Variants in RANBP17 observed in about 807,000 individuals in gnomAD.
The protein encoded by RANBP17 is RAN binding protein 17.
In RANBP17, 158 loss-of-function variants were observed where a neutral mutation model predicts 141.2. The observed-to-expected ratio is 1.12, with a 90% confidence interval of 0.98 to 1.28. The LOEUF is 1.28. Ranked by LOEUF, RANBP17 falls within the 50% of genes most tolerant of loss-of-function variation. The pLI is 0.00. For missense variants in RANBP17, 1,438 were observed against 1,290.7 expected (o/e 1.11, Z -1.75); for synonymous variants, 430 against 450.0 (o/e 0.96, Z 0.56).
chr5:171,241,304 CTT>C (rs370226479), intron 23 of RANBP17, among the ~76,000 whole-genome samples, 162 bp downstream of exon 23: 8 of 133,572 alleles, frequency 6.0e-5, no homozygotes, highest in Admixed American at 1.5e-4. Flanking sequence ...ACTATAGTGG[CTT>C]TTTTTTTTTT....
At chr5:171,018,445 T>A (rs1312486913) in intron 14 of RANBP17, among the ~76,000 whole-genome samples, 2 of 152,220 alleles carry the variant, frequency 1.3e-5, no homozygotes, top group Non-Finnish European at 2.9e-5. Flanking sequence ...AGCAGTTGTT[T>A]GTAGTTCTCC....
chr5:171,221,819 A>G lies in RANBP17; in HGVS notation c.2401A>G (p.Ser801Gly), dbSNP rs1463733763. 3.1e-6 allele frequency: 5 copies of G among 1,605,612 alleles called. No homozygotes were observed. The highest frequency in any genetic ancestry group is 1.7e-5 in the Admixed American group (1 of 59,960). Residue 801 changes from serine (S) to glycine (G), a missense_variant, in exon 22 of 28, where the codon AGT becomes GGT. Transcript: ENST00000523189. ...PNGILLFREA[S>G]KMVCTYGNQI... ...TGGAATTCTTCTCTTCAGAGAAGCT[A>G]GTAAAATGGTTTGCACTTATGGTGA...
At chr5:170,986,368 T>C (rs182698902) in intron 14 of RANBP17, among the ~76,000 whole-genome samples, 1 of 152,068 alleles carries the variant, frequency 6.6e-6, no homozygotes, top group East Asian at 1.9e-4. Flanking sequence ...AAATTTGCAT[T>C]AAGCCGATAA....
Position 171,052,849 on chromosome 5 carries a change from A to G in RANBP17, c.1710+84472A>G, listed in dbSNP as rs368694006. ...ATATTAAGTCTTCTAACCCATGAAC[A>G]TGAAATGTCTTTCTTTTTTTGAGAT... On this transcript the variant is annotated intron_variant, in intron 14 of 27. Transcript: ENST00000523189. Among the ~76,000 whole-genome samples the G allele has an allele frequency of 4.1e-4, 63 of 152,266 alleles. 1 individual carries two copies. The South Asian group carries it at 0.012, about 30-fold the overall frequency.
At chr5:171,068,389 G>A (rs1006873340) in intron 14 of RANBP17, among the ~76,000 whole-genome samples, 2 of 152,024 alleles carry the variant, frequency 1.3e-5, no homozygotes, top group African/African-American at 4.8e-5. Flanking sequence ...TAAATCCAAT[G>A]TATGGGCTTC....
chr5:171,117,829 TTTGTTGTTG>T (rs57307801), intron 14 of RANBP17, among the ~76,000 whole-genome samples: 28 of 147,556 alleles, frequency 1.9e-4, no homozygotes, highest in East Asian at 2.0e-4. Flanking sequence ...TATGTGGGGT[TTTGTTGTTG>T]TTGTTGTTGT....
rs199913315 is a variant in RANBP17, at chr5:170,896,050, G to T, written c.424G>T (p.Gly142Cys). ...CTAAACTTTGTTATTTTCTCCAAAGGGTACTGTGGAACACTGCATAATAGG... is the reference window on the plus strand; with the variant it reads ...CTAAACTTTGTTATTTTCTCCAAAGTGTACTGTGGAACACTGCATAATAGG... ...IIADVKKFLQ[G>C]TVEHCIIGVI... Residue 142 changes from glycine to cysteine, a missense_variant and splice_region_variant, in exon 5 of 28, where the codon GGT becomes TGT. By Grantham distance (159) the Gly-to-Cys change is radical. Coordinates refer to ENST00000523189, the MANE Select transcript of RANBP17 (RefSeq NM_022897.5). 32 of 1,587,672 alleles carry T rather than the reference G, an allele frequency of 2.0e-5. No individual in the cohort carries two copies. The African/African-American group carries it at 3.1e-4, about 15-fold the overall frequency.
chr5:171,127,105 C>G (rs1756526798), intron 14 of RANBP17, among the ~76,000 whole-genome samples: 1 of 152,052 alleles, frequency 6.6e-6, no homozygotes, highest in South Asian at 2.1e-4. Context: ...AACCAAATAG[C>G]ACATCAGAAG....
At chr5:171,191,417 A>G (rs1291061429) in intron 18 of RANBP17, among the ~76,000 whole-genome samples, 1 of 152,144 alleles carries the variant, frequency 6.6e-6, no homozygotes, top group African/African-American at 2.4e-5. Context: ...GGCCGGGCGC[A>G]GTGGCTCACG....
At chr5:171,052,985 T>TGGGATTACAGGCATGTGCC (rs1554088535) in intron 14 of RANBP17, among the ~76,000 whole-genome samples, 5 of 152,048 alleles carry the variant, frequency 3.3e-5, no homozygotes, top group Non-Finnish European at 7.4e-5. Flanking sequence ...CCCAAGTAGC[T>TGGGATTACAGGCATGTGCC]ACTTTCATAT....
intron 23 of RANBP17, among the ~76,000 whole-genome samples, chr5:171,241,677 C>T (rs1764888991): frequency 6.6e-6 from 1 of 152,132 alleles, no homozygotes; most frequent in African/African-American, 2.4e-5. Flanking sequence ...ATGTTAAAAT[C>T]ACCTCATCAA....
At chr5:171,020,057 C>G (rs1426616907) in intron 14 of RANBP17, among the ~76,000 whole-genome samples, 1 of 152,112 alleles carries the variant, frequency 6.6e-6, no homozygotes, top group Non-Finnish European at 1.5e-5. Flanking sequence ...GCAGGTTGTT[C>G]AGTTTCCATG....
chr5:170,984,338 G>A (rs757328918), intron 14 of RANBP17, among the ~76,000 whole-genome samples: 8 of 152,108 alleles, frequency 5.3e-5, no homozygotes, highest in Non-Finnish European at 1.2e-4. Context: ...AACCAAAAGT[G>A]TGTTTAGGCC....
At chr5:171,054,166 A>T (rs962088179) in intron 14 of RANBP17, among the ~76,000 whole-genome samples, 6 of 151,852 alleles carry the variant, frequency 4.0e-5, no homozygotes, top group African/African-American at 1.5e-4. Flanking sequence ...TGTAAGCAGC[A>T]TATAGTTGAC....
chr5:170,882,164 A>G (rs1420422441), intron 3 of RANBP17, among the ~76,000 whole-genome samples: 1 of 152,104 alleles, frequency 6.6e-6, no homozygotes, highest in African/African-American at 2.4e-5. Context: ...GCTCACTGCA[A>G]CCTACGCCTC....
At position 171,299,853 on chromosome 5, in the gene RANBP17, TATTA is replaced by T. The variant is rs1299097097; in HGVS notation, c.*999_*1002del. On this transcript the variant is annotated 3_prime_UTR_variant, in exon 28 of 28. Coordinates refer to ENST00000523189, the MANE Select transcript of RANBP17 (RefSeq NM_022897.5). ...AGTTTGTGCTCTACTGTTACTAGGC[TATTA>T]ATTTGAGATCGTCCACTGTCAAGTG... The T allele has an allele frequency of 1.4e-5, 3 of 218,610 alleles. No individual in the cohort carries two copies. Among genetic ancestry groups the T allele is most frequent in the African/African-American group, 6.7e-5 (3 of 44,576 alleles). The allele number at this position is 218,610 out of a possible 1,614,324, so 13.5% of individuals were successfully genotyped here.
intron 21 of RANBP17, among the ~76,000 whole-genome samples, chr5:171,218,660 C>T (rs950413604): frequency 6.6e-6 from 1 of 151,810 alleles, no homozygotes; most frequent in African/African-American, 2.4e-5. Flanking sequence ...ATATAACGCC[C>T]TTCGTTGTCT....
chr5:171,295,033 A>G (rs1306482842), intron 26 of RANBP17, among the ~76,000 whole-genome samples: 1 of 152,234 alleles, frequency 6.6e-6, no homozygotes, highest in East Asian at 1.9e-4. Flanking sequence ...TCTGATATAT[A>G]GTATTTAAGT....
chr5:171,112,769 T>C (rs1351399607), intron 14 of RANBP17, among the ~76,000 whole-genome samples: 3 of 152,020 alleles, frequency 2.0e-5, no homozygotes, highest in Non-Finnish European at 4.4e-5. Flanking sequence ...ATCTGCCTTT[T>C]TTGTTGGGAC....
Sources: allele counts gnomAD v4.1 joint callset (sites outside exome capture counted in the v4.1 genomes callset), GRCh38; gene constraint gnomAD v4.1.1; transcripts MANE v1.5; gene names NCBI Gene and HGNC (gene_info 2026-07-23, HGNC 2026-07-21).